VGLL4: variants seen among roughly 807,000 people sequenced by gnomAD.
The protein encoded by VGLL4 is vestigial like family member 4.
A neutral mutation model predicts 21.0 loss-of-function variants in VGLL4; 7 were observed. The observed-to-expected ratio is 0.33, with a 90% confidence interval of 0.19 to 0.63. VGLL4 has a LOEUF of 0.63. VGLL4 is among the 20% of genes least tolerant of loss of function. VGLL4 has a pLI of 0.78. For synonymous variants in VGLL4, 222 were observed against 173.2 expected (o/e 1.28, Z -2.21); for missense variants, 394 against 425.7 (o/e 0.93, Z 0.66).
chr3:11,705,965 T>G (rs1034037320), intron 1 of VGLL4, among the ~76,000 whole-genome samples: 2 of 151,978 alleles, frequency 1.3e-5, no homozygotes, highest in Non-Finnish European at 2.9e-5. Context: ...TAGTAACTGC[T>G]GATAAGCATC....
intron 2 of VGLL4, among the ~76,000 whole-genome samples, chr3:11,574,283 T>A (rs897520630): frequency 3.9e-5 from 6 of 152,182 alleles, no homozygotes; most frequent in African/African-American, 1.4e-4. Flanking sequence ...TTATCTATGA[T>A]CAACCTAAAA....
At chr3:11,604,133 T>C (rs1401433766) in intron 1 of VGLL4, among the ~76,000 whole-genome samples, 1 of 152,188 alleles carries the variant, frequency 6.6e-6, no homozygotes, top group South Asian at 2.1e-4. Flanking sequence ...ACAGGCCCCA[T>C]GAAGGCACTC....
chr3:11,606,452 G>T (rs964873135), intron 1 of VGLL4, among the ~76,000 whole-genome samples: 2 of 152,262 alleles, frequency 1.3e-5, no homozygotes, highest in Non-Finnish European at 2.9e-5. Flanking sequence ...ATGTGGAGAA[G>T]CTGGAACACG....
At chr3:11,702,971 G>T (rs752998676) in exon 2 of VGLL4, 1 of 1,610,786 alleles carries the variant, frequency 6.2e-7, no homozygotes, top group East Asian at 2.2e-5. Flanking sequence ...CCTCACTTAC[G>T]TTTTTCGTCA....
chr3:11,639,976 T>C (rs1450741616), intron 1 of VGLL4, among the ~76,000 whole-genome samples: 1 of 152,142 alleles, frequency 6.6e-6, no homozygotes, highest in East Asian at 1.9e-4. Context: ...ACAAACTTTC[T>C]AAATAAACTA....
chr3:11,562,949 G>A (rs941382394), intron 3 of VGLL4, among the ~76,000 whole-genome samples: 2 of 152,244 alleles, frequency 1.3e-5, no homozygotes, highest in South Asian at 2.1e-4. Context: ...CACGTGTGCC[G>A]TGGGCAGCCA....
chr3:11,594,121 G>A (rs2074575293), intron 2 of VGLL4, among the ~76,000 whole-genome samples: 1 of 152,224 alleles, frequency 6.6e-6, no homozygotes. Context: ...CCTAACACAT[G>A]CCAGACATTG....
At chr3:11,721,505 A>G (rs1027301647), upstream of VGLL4, among the ~76,000 whole-genome samples, 1 of 152,216 alleles carries the variant, frequency 6.6e-6, no homozygotes, top group African/African-American at 2.4e-5. Context: ...TGATTCCTGG[A>G]TAAATATTCA....
chr3:11,606,084 C>T (rs1011693730), intron 1 of VGLL4, among the ~76,000 whole-genome samples: 2 of 152,060 alleles, frequency 1.3e-5, no homozygotes, highest in Non-Finnish European at 2.9e-5. Context: ...GGAGGCCTCA[C>T]AATCACGGAG....
chr3:11,576,185 T>G (rs1027273625), intron 2 of VGLL4, among the ~76,000 whole-genome samples: 5 of 152,206 alleles, frequency 3.3e-5, no homozygotes, highest in Admixed American at 3.3e-4. Context: ...CAGCCAGCAG[T>G]GGATGCCCAC....
In VGLL4 at chr3:11,675,979, A is replaced by G. The variant is rs1341206710; in HGVS notation, c.64+26992T>C. 3.3e-5 allele frequency among the ~76,000 whole-genome samples: 5 copies of G among 152,322 alleles called. No homozygotes were observed. In the South Asian group the frequency reaches 8.3e-4, roughly 25 times the overall value. Reference sequence around the variant, plus strand: ...TCAACAGAACCTAATTTACTTTATCATGTTTTATTCTTTACTCTCACTTTA... The same window carrying G: ...TCAACAGAACCTAATTTACTTTATCGTGTTTTATTCTTTACTCTCACTTTA... On this transcript the variant is annotated intron_variant, in intron 2 of 5. Coordinates refer to the VGLL4 transcript ENST00000273038.
chr3:11,562,752 G>A (rs1003891053), intron 3 of VGLL4, among the ~76,000 whole-genome samples: 8 of 152,274 alleles, frequency 5.3e-5, no homozygotes, highest in Admixed American at 1.3e-4. Context: ...AACCCCAGCC[G>A]AAAATGACAG....
rs34312251 is a variant in VGLL4, at chr3:11,584,799, G to GA, written c.272+17033dup. On this transcript the variant is annotated intron_variant, in intron 2 of 4. Coordinates refer to ENST00000430365, the MANE Select transcript of VGLL4 (RefSeq NM_001128219.3). Reference sequence around the variant, plus strand: ...GCTGACCAACCAATCCTTGAAAAGAGAAAAAAAAAAAAAATGAGGTGGCCC... The same window carrying GA: ...GCTGACCAACCAATCCTTGAAAAGAGAAAAAAAAAAAAAAATGAGGTGGCCC... Among the ~76,000 whole-genome samples the GA allele has an allele frequency of 1.8e-4, 26 of 145,712 alleles. No homozygotes were observed. The South Asian group carries it at 2.2e-3, about 12-fold the overall frequency.
In VGLL4 at chr3:11,564,932, G is replaced by T; in HGVS notation, c.360C>A (p.Ser120Arg). 6.3e-7 allele frequency: 1 copy of T among 1,587,058 alleles called. No homozygotes were observed. Among genetic ancestry groups the T allele is most frequent in the Non-Finnish European group, 8.6e-7 (1 of 1,166,834 alleles). Residue 120 changes from serine to arginine, a missense_variant, in exon 3 of 5, where the codon AGC becomes AGA. Transcript: ENST00000430365. ...PIERAVAPTM[S>R]LHGSHLYTSL... ...AGGTGTACAGGTGGCTGCCGTGCAGGCTCATGGTGGGGGCCACAGCGCGCT... is the reference window on the plus strand; with the variant it reads ...AGGTGTACAGGTGGCTGCCGTGCAGTCTCATGGTGGGGGCCACAGCGCGCT...
intron 1 of VGLL4, among the ~76,000 whole-genome samples, chr3:11,710,158 G>A (rs1043301412): frequency 6.6e-6 from 1 of 152,160 alleles, no homozygotes; most frequent in Non-Finnish European, 1.5e-5. Flanking sequence ...CCATTCATGA[G>A]GGATCGCTCC....
intron 1 of VGLL4, among the ~76,000 whole-genome samples, chr3:11,718,218 C>G (rs1046540844): frequency 6.6e-6 from 1 of 152,184 alleles, no homozygotes; most frequent in African/African-American, 2.4e-5. Flanking sequence ...GGGTTTACAT[C>G]ATTTCCACCG....
chr3:11,565,091 A>G lies in VGLL4; in HGVS notation c.273-72T>C. ...AGGGGACAGTGACTGTGCGCCAGGC[A>G]CTCCGTGTTGCTTATTTAATTTTTT... On this transcript the variant is annotated intron_variant, in intron 2 of 4. Transcript: ENST00000430365. This position sits in a 1 kb window ranked among gnomAD's most constrained non-coding sequence, Gnocchi z 4.1. 1 of 1,337,710 alleles carries G rather than the reference A, an allele frequency of 7.5e-7. No individual in the cohort carries two copies. The highest frequency in any genetic ancestry group is 9.8e-7 in the Non-Finnish European group (1 of 1,019,684). The allele number at this position is 1,337,710 out of a possible 1,614,324, so 82.9% of individuals were successfully genotyped here.
chr3:11,710,737 A>G (rs2076830650), intron 1 of VGLL4, among the ~76,000 whole-genome samples: 1 of 152,164 alleles, frequency 6.6e-6, no homozygotes. Context: ...ATAATATACA[A>G]TGGTAGGACA....
At chr3:11,676,513 T>C (rs889736248) in intron 2 of VGLL4, among the ~76,000 whole-genome samples, 7 of 151,698 alleles carry the variant, frequency 4.6e-5, no homozygotes, top group African/African-American at 1.7e-4. Context: ...GGTGCTGAAG[T>C]ATAATATTTC....
Sources: allele counts gnomAD v4.1 joint callset (sites outside exome capture counted in the v4.1 genomes callset), GRCh38; gene constraint gnomAD v4.1.1; non-coding constraint Gnocchi (gnomAD v3.1); transcripts MANE v1.5; gene names NCBI Gene and HGNC (gene_info 2026-07-23, HGNC 2026-07-21).